Variants in SLC12A8 observed in about 807,000 individuals in gnomAD.
SLC12A8 encodes solute carrier family 12 member 8.
Under a neutral mutation model 75.6 loss-of-function variants are expected in SLC12A8, and 69 were observed. That is an observed-to-expected ratio of 0.91 (90% CI 0.75 to 1.11). The LOEUF is 1.11. SLC12A8 is among the 50% of genes most tolerant of loss of function. The probability of loss-of-function intolerance (pLI) is 0.00; values close to 1 mark genes in which losing one functional copy is unlikely to be tolerated. For missense variants in SLC12A8, 877 were observed against 896.7 expected, an observed-to-expected ratio of 0.98 and a Z score of 0.28; for synonymous variants, 365 against 372.8, an observed-to-expected ratio of 0.98 and a Z score of 0.24.
At chr3:125,111,241 T>C (rs1036559991) in intron 8 of SLC12A8, among the ~76,000 whole-genome samples, 1 of 152,138 alleles carries the variant, frequency 6.6e-6, no homozygotes, top group African/African-American at 2.4e-5. Context: ...GACGAATGAA[T>C]GAATGAGATC....
intron 13 of SLC12A8, 147 bp from the exon 14 acceptor site, chr3:125,084,199 G>T: frequency 1.6e-6 from 1 of 626,016 alleles, no homozygotes; most frequent in Non-Finnish European, 2.8e-6. Context: ...TATATGTACA[G>T]GTATATATGA....
chr3:125,125,911 G>C, intron 6 of SLC12A8: 1 of 983,630 alleles, frequency 1.0e-6, no homozygotes, highest in Non-Finnish European at 1.2e-6. Context: ...TATAATCGGC[G>C]CGATGCATTG....
chr3:125,115,754 T>G (rs1470435509), intron 8 of SLC12A8, among the ~76,000 whole-genome samples: 1 of 151,084 alleles, frequency 6.6e-6, no homozygotes, highest in African/African-American at 2.4e-5. Context: ...GGGAGCTGCT[T>G]GTGAACGAGC....
chr3:125,184,560 G>A (rs1001337075), intron 4 of SLC12A8, among the ~76,000 whole-genome samples: 3 of 151,956 alleles, frequency 2.0e-5, no homozygotes, highest in African/African-American at 7.3e-5. Context: ...CTGCTTGGGG[G>A]TAAAATCAGG....
At chr3:125,114,133 C>T (rs1939250889) in intron 8 of SLC12A8, among the ~76,000 whole-genome samples, 1 of 152,210 alleles carries the variant, frequency 6.6e-6, no homozygotes, top group East Asian at 1.9e-4. Context: ...TCTCAACTTT[C>T]AGTCAAGTTT....
At chr3:125,120,570 T>C in intron 7 of SLC12A8, 29 bp downstream of exon 7, 1 of 1,551,488 alleles carries the variant, frequency 6.4e-7, no homozygotes, top group Admixed American at 1.7e-5. Context: ...ACTCTCTAGC[T>C]CAGACTGATT....
chr3:125,104,818 C>T (rs936366161), intron 10 of SLC12A8, among the ~76,000 whole-genome samples: 6 of 152,112 alleles, frequency 3.9e-5, no homozygotes, highest in Non-Finnish European at 7.4e-5. Context: ...CACCCTTTTG[C>T]CCTTTTTCCC....
chr3:125,086,985 T>C (rs887920401), intron 13 of SLC12A8, among the ~76,000 whole-genome samples: 1 of 152,160 alleles, frequency 6.6e-6, no homozygotes, highest in Admixed American at 6.5e-5. Flanking sequence ...GAGTGTTTAA[T>C]GGGCATGGTG....
chr3:125,162,415 C>T (rs1186267816), intron 5 of SLC12A8, among the ~76,000 whole-genome samples: 5 of 152,142 alleles, frequency 3.3e-5, no homozygotes, highest in Non-Finnish European at 7.3e-5. Context: ...CACCTTTCTG[C>T]GATCCCAGTA....
chr3:125,195,756 A>T (rs1210029101), intron 2 of SLC12A8, among the ~76,000 whole-genome samples: 1 of 152,154 alleles, frequency 6.6e-6, no homozygotes, highest in Non-Finnish European at 1.5e-5. Flanking sequence ...AGGACCACAC[A>T]GCAGCCTCAA....
intron 6 of SLC12A8, among the ~76,000 whole-genome samples, chr3:125,132,449 A>G (rs1933383080): frequency 6.6e-6 from 1 of 152,214 alleles, no homozygotes; most frequent in Non-Finnish European, 1.5e-5. Flanking sequence ...GGTGGTAGAC[A>G]TAAGGAGAAG....
intron 12 of SLC12A8, among the ~76,000 whole-genome samples, chr3:125,090,316 T>C (rs1430418747): frequency 6.6e-6 from 1 of 152,218 alleles, no homozygotes; most frequent in East Asian, 1.9e-4. Context: ...TTTAAATTTA[T>C]TGAAATATTT....
chr3:125,211,988 G>A (rs1387322307), intron 1 of SLC12A8, among the ~76,000 whole-genome samples: 1 of 152,060 alleles, frequency 6.6e-6, no homozygotes, highest in Non-Finnish European at 1.5e-5. Context: ...CGCTGGACCT[G>A]GCTTTCCTTG....
chr3:125,155,543 G>A lies in SLC12A8; in HGVS notation c.623-19761C>T, dbSNP rs564475384. 4.6e-5 allele frequency among the ~76,000 whole-genome samples: 7 copies of A among 151,256 alleles called. No homozygotes were observed. The South Asian group carries it at 1.3e-3, about 27-fold the overall frequency. ...TCCCAGCACTTTGGAAGGCTGAGGC[G>A]GGTGGATCACAAGGTCAGGAGATCG... On this transcript the variant is annotated intron_variant, in intron 5 of 13. Coordinates refer to ENST00000469902, the MANE Select transcript of SLC12A8 (RefSeq NM_024628.6).
intron 7 of SLC12A8, among the ~76,000 whole-genome samples, chr3:125,119,697 C>T (rs1207365654): frequency 6.6e-5 from 10 of 152,372 alleles, no homozygotes; most frequent in South Asian, 2.1e-4. Flanking sequence ...TGATGCTGTA[C>T]GCCAGGCTGA....
At chr3:125,090,674 T>G (rs1938561462) in intron 12 of SLC12A8, among the ~76,000 whole-genome samples, 1 of 152,236 alleles carries the variant, frequency 6.6e-6, no homozygotes, top group Admixed American at 6.5e-5. Flanking sequence ...GAAATCACCC[T>G]CTTTATCACT....
chr3:125,112,443 G>T (rs1939211248), intron 8 of SLC12A8, among the ~76,000 whole-genome samples: 1 of 152,038 alleles, frequency 6.6e-6, no homozygotes, highest in South Asian at 2.1e-4. Flanking sequence ...TTATGCTCAT[G>T]GCTTATCCTG....
chr3:125,172,941 G>A lies in SLC12A8; in HGVS notation c.622+4802C>T, dbSNP rs181567106. Among the ~76,000 whole-genome samples the A allele has an allele frequency of 2.0e-3, 312 of 152,312 alleles. 3 individuals carry two copies. The highest frequency in any genetic ancestry group is 3.3e-3 in the Non-Finnish European group (222 of 68,028). ...CACCTGTAATCACAGCACTTTGGGA[G>A]GCCAAGGCAGATGGATCACCTGAAG... On this transcript the variant is annotated intron_variant, in intron 5 of 13. Coordinates refer to ENST00000469902, the MANE Select transcript of SLC12A8 (RefSeq NM_024628.6).
At chr3:125,138,212 G>T (rs907051623) in intron 5 of SLC12A8, among the ~76,000 whole-genome samples, 4 of 152,090 alleles carry the variant, frequency 2.6e-5, no homozygotes, top group African/African-American at 9.7e-5. Context: ...AACCAGCCTG[G>T]CCAAAAGGTG....
Sources: allele counts gnomAD v4.1 joint callset (sites outside exome capture counted in the v4.1 genomes callset), GRCh38; gene constraint gnomAD v4.1.1; transcripts MANE v1.5; gene names NCBI Gene and HGNC (gene_info 2026-07-23, HGNC 2026-07-21).